The following FBXL18 variants were observed in gnomAD, a reference collection of about 807,000 sequenced individuals.
The protein encoded by FBXL18 is F-box and leucine rich repeat protein 18.
FBXL18 carries 36 observed loss-of-function variants against 46.0 expected under a neutral mutation model. That is an observed-to-expected ratio of 0.78 (90% CI 0.60 to 1.03). The LOEUF is 1.03. Ranked by LOEUF, FBXL18 falls within the 50% of genes least tolerant of loss-of-function variation. FBXL18 has a pLI of 0.00. For synonymous variants in FBXL18, 557 were observed against 465.3 expected (o/e 1.20, Z -2.54); for missense variants, 977 against 1,004.1 (o/e 0.97, Z 0.36).
chr7:5,463,729 T>TATATATATATATATATATATA (rs1562672305), intron 4 of FBXL18, among the ~76,000 whole-genome samples: 1 of 10,064 alleles, frequency 9.9e-5, no homozygotes, highest in African/African-American at 2.7e-4. Flanking sequence ...TATTTATTTA[T>TATATATATATATATATATATA]TTTTTTTTTT....
At chr7:5,463,686 C>A (rs1171158744) in intron 4 of FBXL18, among the ~76,000 whole-genome samples, 2 of 111,064 alleles carry the variant, frequency 1.8e-5, no homozygotes, top group Non-Finnish European at 3.9e-5. Flanking sequence ...GTGCTTCATG[C>A]CCCTGAACTA....
intron 1 of FBXL18, among the ~76,000 whole-genome samples, chr7:5,507,519 C>T (rs1010931567): frequency 2.0e-5 from 3 of 152,104 alleles, no homozygotes; most frequent in African/African-American, 7.2e-5. Context: ...TTACTTCTAC[C>T]TTCCCTCCTA....
chr7:5,460,593 A>C (rs114873378), intron 4 of FBXL18, among the ~76,000 whole-genome samples: 4,161 of 152,308 alleles, frequency 0.027, 210 homozygotes, highest in African/African-American at 0.095. Context: ...AGCTGGGGTT[A>C]CCGGCATGTG....
chr7:5,462,950 CAAA>C (rs138208570), intron 4 of FBXL18, among the ~76,000 whole-genome samples: 1,153 of 22,288 alleles, frequency 0.052, 64 homozygotes, highest in African/African-American at 0.14. Context: ...GACTTGGTCT[CAAA>C]AAAAAAAAAA....
intron 4 of FBXL18, among the ~76,000 whole-genome samples, chr7:5,470,064 G>A (rs1387610005): frequency 2.6e-5 from 4 of 152,140 alleles, no homozygotes; most frequent in Non-Finnish European, 5.9e-5. Flanking sequence ...ATGCGTGTGC[G>A]TGTGCCAGTC....
rs981169046 is a variant in FBXL18, at chr7:5,496,229, C to G, written c.1781+4259G>C. 2.6e-5 allele frequency among the ~76,000 whole-genome samples: 4 copies of G among 152,146 alleles called. No individual in the cohort carries two copies. The highest frequency in any genetic ancestry group is 3.2e-3 in the Middle Eastern group (1 of 316). On this transcript the variant is annotated intron_variant, in intron 3 of 4. Transcript: ENST00000382368. This position sits in a 1 kb window ranked among gnomAD's most constrained non-coding sequence, Gnocchi z 4.8. Reference sequence around the variant, plus strand: ...GACACTCAGAGGTTGTTGAGAATATCAAAGGGGTCAAGACCTGTACACCCA... The same window carrying G: ...GACACTCAGAGGTTGTTGAGAATATGAAAGGGGTCAAGACCTGTACACCCA...
chr7:5,487,158 A>G (rs4724700), intron 4 of FBXL18, among the ~76,000 whole-genome samples: 86,515 of 152,186 alleles, frequency 0.57, 25,526 homozygotes, highest in African/African-American at 0.72. Context: ...TGGAAAGCCC[A>G]GGGAAGGCCG....
chr7:5,462,950 C>CAA (rs138208570), intron 4 of FBXL18, among the ~76,000 whole-genome samples: 302 of 22,344 alleles, frequency 0.014, 20 homozygotes, highest in African/African-American at 0.034. Context: ...GACTTGGTCT[C>CAA]AAAAAAAAAA....
Position 5,455,156 on chromosome 7 carries a change from G to A in FBXL18, c.2001-7313C>T, listed in dbSNP as rs1200165260. Among the ~76,000 whole-genome samples the A allele has an allele frequency of 2.6e-5, 4 of 152,122 alleles. No homozygotes were observed. Among genetic ancestry groups the A allele is most frequent in the East Asian group, 1.9e-4 (1 of 5,192 alleles). On this transcript the variant is annotated intron_variant and NMD_transcript_variant, in intron 4 of 6. Coordinates refer to the FBXL18 transcript ENST00000415009. This position sits in a 1 kb window ranked among gnomAD's most constrained non-coding sequence, Gnocchi z 4.6. The stretch of plus-strand genomic sequence containing the variant: ...TCAGGGAGCAACCCTGGCACTACTG[G>A]GGAGGACTCTTGGGGATTATCTTGA...
At chr7:5,507,706 C>T (rs1230592306) in intron 1 of FBXL18, among the ~76,000 whole-genome samples, 2 of 149,712 alleles carry the variant, frequency 1.3e-5, no homozygotes, top group East Asian at 2.0e-4. Flanking sequence ...TGGTGGCAGG[C>T]GCTTGTAGTC....
rs775578443 is a variant in FBXL18 at position 5,501,037 on chromosome 7, C to T, written c.1232G>A (p.Arg411Gln). Residue 411 changes from arginine (R) to glutamine (Q), a missense_variant, in exon 3 of 5, where the codon CGG becomes CAG. Arg to Gln is a conservative substitution (Grantham distance 43). Transcript: ENST00000382368. The part of the protein sequence containing the change: ...LGRHLCQLLA[R>Q]LRHLRSLSLP... ...GGAGAGGGAGCGCAGGTGACGCAGC[C>T]GGGCCAGGAGCTGGCAGAGGTGGCG... is the stretch of plus-strand genomic sequence containing the variant. 39 of 1,605,224 alleles carry T rather than the reference C, an allele frequency of 2.4e-5. No individual in the cohort carries two copies. The highest frequency in any genetic ancestry group is 3.3e-5 in the Non-Finnish European group (39 of 1,177,662).
At chr7:5,494,772 C>T (rs563956106) in intron 3 of FBXL18, among the ~76,000 whole-genome samples, 20 of 152,208 alleles carry the variant, frequency 1.3e-4, no homozygotes, top group African/African-American at 4.6e-4. Flanking sequence ...TGGGCAAGGA[C>T]GGTGCCGTCG....
intron 1 of FBXL18, among the ~76,000 whole-genome samples, chr7:5,512,297 T>TA (rs71004681): frequency 0.048 from 4,074 of 85,310 alleles, 340 homozygotes; most frequent in African/African-American, 0.11. Flanking sequence ...AAGTGTTATT[T>TA]AAAAAAAAAA....
At chr7:5,510,902 T>C (rs1784515563) in intron 1 of FBXL18, among the ~76,000 whole-genome samples, 2 of 152,126 alleles carry the variant, frequency 1.3e-5, no homozygotes, top group Admixed American at 1.3e-4. Flanking sequence ...GGAATGTGCT[T>C]ACCAGGCACA....
rs746235058 is a variant in FBXL18, at chr7:5,501,398, C to T, written c.871G>A (p.Val291Met). 7.4e-6 allele frequency: 12 copies of T among 1,613,678 alleles called. No individual in the cohort carries two copies. Among genetic ancestry groups the T allele is most frequent in the Middle Eastern group, 1.6e-4 (1 of 6,062 alleles). Reference sequence around the variant, plus strand: ...TTGGGCAGCTGCAGGGCATCCAGCACGACATTGCGCGCCATGGAGTCCAGG... The same window carrying T: ...TTGGGCAGCTGCAGGGCATCCAGCATGACATTGCGCGCCATGGAGTCCAGG... ...NLLDSMARNV[V>M]LDALQLPKSW... The change falls in exon 3 of 5, where the codon GTG becomes ATG. Residue 291 changes from valine (V) to methionine (M), a missense_variant. By Grantham distance (21) the Val-to-Met change is conservative. Coordinates refer to ENST00000382368, the MANE Select transcript of FBXL18 (RefSeq NM_024963.6).
chr7:5,484,788 G>A (rs1055326703), intron 4 of FBXL18, among the ~76,000 whole-genome samples: 10 of 151,724 alleles, frequency 6.6e-5, no homozygotes, highest in Admixed American at 1.3e-4. Context: ...ACAGGTGCCC[G>A]CCACCATGCC....
intron 2 of FBXL18, 97 bp from the exon 3 acceptor site, chr7:5,502,128 G>GCTCCACAGGGAGGGAAGCT: frequency 1.2e-6 from 1 of 865,940 alleles, no homozygotes; most frequent in Non-Finnish European, 1.7e-6. Context: ...TGCAGCAGCT[G>GCTCCACAGGGAGGGAAGCT]CTCCACCGGG....
chr7:5,464,270 G>C (rs1783309606), intron 4 of FBXL18, among the ~76,000 whole-genome samples: 2 of 152,002 alleles, frequency 1.3e-5, no homozygotes, highest in African/African-American at 4.8e-5. Context: ...CCTGAGGTCA[G>C]GAGTTCAAGA....
At position 5,481,879 on chromosome 7, in the gene FBXL18, C is replaced by T. The variant is rs761439580; in HGVS notation, c.2053G>A (p.Glu685Lys). 1.9e-6 allele frequency: 3 copies of T among 1,613,500 alleles called. No individual in the cohort carries two copies. Among genetic ancestry groups the T allele is most frequent in the Non-Finnish European group, 2.5e-6 (3 of 1,179,902 alleles). ...LNVVIFPLLH[E>K]GLTDVIRDVP... Reference sequence around the variant, plus strand: ...TCCCGGATGACGTCGGTCAGGCCCTCGTGGAGCAGAGGGAAGATGACGACG... The same window carrying T: ...TCCCGGATGACGTCGGTCAGGCCCTTGTGGAGCAGAGGGAAGATGACGACG... The change falls in exon 5 of 5, where the codon GAG becomes AAG. Residue 685 changes from glutamate to lysine, a missense_variant. Coordinates refer to ENST00000382368, the MANE Select transcript of FBXL18 (RefSeq NM_024963.6).
Sources: gnomAD v4.1 joint callset for allele counts (sites outside exome capture counted in the v4.1 genomes callset) on GRCh38, gnomAD v4.1.1 for gene constraint, Gnocchi (gnomAD v3.1) non-coding constraint, MANE v1.5 for transcripts, NCBI Gene and HGNC (gene_info 2026-07-23, HGNC 2026-07-21) for gene names.